Variants in RHBDD1 observed in about 807,000 individuals in gnomAD.
RHBDD1 encodes rhomboid domain containing 1.
A neutral mutation model predicts 36.3 loss-of-function variants in RHBDD1; 38 were observed. That is an observed-to-expected ratio of 1.05 (90% CI 0.81 to 1.37). The LOEUF is 1.37. RHBDD1 is among the 40% of genes most tolerant of loss of function. The pLI is 0.00. For synonymous variants in RHBDD1, 151 were observed against 136.5 expected, an observed-to-expected ratio of 1.11 and a Z score of -0.74; for missense variants, 393 against 377.6, an observed-to-expected ratio of 1.04 and a Z score of -0.34.
intron 5 of RHBDD1, among the ~76,000 whole-genome samples, chr2:226,887,116 T>C (rs1297679078): frequency 6.6e-6 from 1 of 152,200 alleles, no homozygotes; most frequent in Non-Finnish European, 1.5e-5. Context: ...TTGAGGATGA[T>C]GTATATTTTG....
chr2:226,964,890 G>A (rs1952503121), intron 8 of RHBDD1, among the ~76,000 whole-genome samples: 1 of 152,218 alleles, frequency 6.6e-6, no homozygotes, highest in Non-Finnish European at 1.5e-5. Flanking sequence ...CTGGGACTCT[G>A]ATTTTTCTCT....
At chr2:226,866,942 AT>A (rs1339921747) in intron 4 of RHBDD1, among the ~76,000 whole-genome samples, 1 of 152,188 alleles carries the variant, frequency 6.6e-6, no homozygotes, top group East Asian at 1.9e-4. Flanking sequence ...CATGGTAGGT[AT>A]TATGTATTTA....
the RHBDD1 span, among the ~76,000 whole-genome samples, chr2:226,823,968 A>G: frequency 6.6e-6 from 1 of 152,190 alleles, no homozygotes; most frequent in Non-Finnish European, 1.5e-5. Context: ...ACACCCCAGT[A>G]GGCCCCACCT....
intron 1 of RHBDD1, among the ~76,000 whole-genome samples, chr2:226,837,342 TGG>T (rs1941089595): frequency 6.6e-6 from 1 of 152,222 alleles, no homozygotes; most frequent in Admixed American, 6.5e-5. Context: ...CTGTAGCGCA[TGG>T]ATATTGGGAC....
chr2:226,970,526 C>G (rs553432128), intron 8 of RHBDD1, among the ~76,000 whole-genome samples: 79 of 152,244 alleles, frequency 5.2e-4, no homozygotes, highest in African/African-American at 1.8e-3. Context: ...CCAGAGGGCA[C>G]GGAAGCAGCC....
At chr2:226,829,244 C>G in the RHBDD1 span, among the ~76,000 whole-genome samples, 1 of 152,156 alleles carries the variant, frequency 6.6e-6, no homozygotes, top group African/African-American at 2.4e-5. Flanking sequence ...TATTCTTACA[C>G]CAATAGCACA....
chr2:226,900,716 TC>T (rs1013416367), intron 5 of RHBDD1, among the ~76,000 whole-genome samples: 52 of 152,208 alleles, frequency 3.4e-4, no homozygotes, highest in African/African-American at 1.2e-3. Flanking sequence ...ACTTGTATTT[TC>T]CCCCCAGCTT....
chr2:226,846,961 T>A (rs1370531256), intron 3 of RHBDD1, among the ~76,000 whole-genome samples: 1 of 152,170 alleles, frequency 6.6e-6, no homozygotes, highest in Non-Finnish European at 1.5e-5. Context: ...TTTTGTCAAG[T>A]AGTGGAAGGA....
chr2:226,849,512 G>T (rs1297276610), intron 3 of RHBDD1, among the ~76,000 whole-genome samples: 2 of 152,200 alleles, frequency 1.3e-5, no homozygotes, highest in Admixed American at 1.3e-4. Flanking sequence ...TGGTAGCATT[G>T]CCCTCAGGCT....
In RHBDD1 at chr2:226,961,121, C is replaced by A. The variant is rs554142921; in HGVS notation, c.857-34310C>A. ...TGTGATGAAGGAAGCCCTTTGCAAGCCTTGCTTTCACAACCTCAACATGGC... is the reference window on the plus strand; with the variant it reads ...TGTGATGAAGGAAGCCCTTTGCAAGACTTGCTTTCACAACCTCAACATGGC... On this transcript the variant is annotated intron_variant, in intron 8 of 8. Transcript: ENST00000392062. Among the ~76,000 whole-genome samples the A allele has an allele frequency of 6.3e-4, 96 of 152,308 alleles. 3 individuals carry two copies. The Middle Eastern group carries it at 0.024, about 38-fold the overall frequency.
intron 8 of RHBDD1, among the ~76,000 whole-genome samples, chr2:226,978,998 AAG>A (rs1228163241): frequency 2.0e-5 from 3 of 152,234 alleles, no homozygotes; most frequent in Non-Finnish European, 4.4e-5. Flanking sequence ...ATGTATAAAA[AAG>A]AGTTTATTAT....
chr2:226,941,822 A>C (rs182023423), intron 8 of RHBDD1, among the ~76,000 whole-genome samples: 59 of 152,326 alleles, frequency 3.9e-4, no homozygotes, highest in Non-Finnish European at 7.2e-4. Context: ...AAAGCACTGT[A>C]AATATTTTGG....
At chr2:226,994,932 G>A (rs959913611) in intron 8 of RHBDD1, among the ~76,000 whole-genome samples, 2 of 152,132 alleles carry the variant, frequency 1.3e-5, no homozygotes, top group Non-Finnish European at 2.9e-5. Context: ...CTGCTCCAGT[G>A]GTTGCTTGTG....
At chr2:226,979,442 A>G (rs1446059038) in intron 8 of RHBDD1, among the ~76,000 whole-genome samples, 3 of 152,284 alleles carry the variant, frequency 2.0e-5, no homozygotes, top group East Asian at 1.9e-4. Flanking sequence ...AGGAGGGGCC[A>G]GGCTCCTCCC....
chr2:226,922,992 G>A (rs1374891275), intron 8 of RHBDD1, among the ~76,000 whole-genome samples: 1 of 152,060 alleles, frequency 6.6e-6, no homozygotes, highest in East Asian at 1.9e-4. Flanking sequence ...TTGAAAAATT[G>A]TTGTAGTTAT....
chr2:226,937,671 C>T (rs751145473), intron 8 of RHBDD1, among the ~76,000 whole-genome samples: 33 of 152,132 alleles, frequency 2.2e-4, no homozygotes, highest in Non-Finnish European at 4.0e-4. Flanking sequence ...TTATCTCTCA[C>T]TTATAAGTGA....
chr2:226,841,767 G>A (rs960379046), intron 3 of RHBDD1, among the ~76,000 whole-genome samples: 2 of 152,166 alleles, frequency 1.3e-5, no homozygotes, highest in Non-Finnish European at 2.9e-5. Context: ...ATGCATGCAT[G>A]TATCTTTATA....
At chr2:226,824,082 T>A in the RHBDD1 span, among the ~76,000 whole-genome samples, 1 of 152,166 alleles carries the variant, frequency 6.6e-6, no homozygotes, top group Non-Finnish European at 1.5e-5. Context: ...TATACCTACA[T>A]ACACGTTTTT....
At chr2:226,958,019 C>T (rs1280991808) in intron 8 of RHBDD1, among the ~76,000 whole-genome samples, 3 of 152,058 alleles carry the variant, frequency 2.0e-5, no homozygotes, top group Non-Finnish European at 4.4e-5. Context: ...ACAGTTTAAC[C>T]TGAATATATT....
Sources: gnomAD v4.1 joint callset for allele counts (sites outside exome capture counted in the v4.1 genomes callset) on GRCh38, gnomAD v4.1.1 for gene constraint, MANE v1.5 for transcripts, NCBI Gene and HGNC (gene_info 2026-07-23, HGNC 2026-07-21) for gene names.